Variants in GAS7 observed in about 807,000 individuals in gnomAD.
GAS7 encodes growth arrest specific 7, also known as growth arrest-specific protein 7.
Under a neutral mutation model 71.1 loss-of-function variants are expected in GAS7, and 28 were observed. That is an observed-to-expected ratio of 0.39 (90% CI 0.29 to 0.54). The LOEUF (loss-of-function observed/expected upper bound fraction) is 0.54. Ranked by LOEUF, GAS7 falls within the 20% of genes least tolerant of loss-of-function variation. The pLI, the probability that GAS7 is intolerant of heterozygous loss-of-function variation, is 0.62. For missense variants in GAS7, 436 were observed against 627.8 expected (o/e 0.69, Z 3.27); for synonymous variants, 258 against 245.8 (o/e 1.05, Z -0.46).
chr17:9,912,828 AAAAAT>A lies in GAS7; in HGVS notation c.*4395_*4399del, dbSNP rs2067474396. On this transcript the variant is annotated 3_prime_UTR_variant, in exon 14 of 14. Transcript: ENST00000432992. ...ACTTCCAGGGCGAAAGGCTCAGTGT[AAAAAT>A]AAAGAAGCAGAGTAGTACGCCCATG... 1.7e-5 allele frequency: 4 copies of A among 232,696 alleles called. No homozygotes were observed. The highest frequency in any genetic ancestry group is 3.4e-5 in the Non-Finnish European group (4 of 117,668). The allele number at this position is 232,696 out of a possible 1,614,324, so 14.4% of individuals were successfully genotyped here. A position where few individuals can be genotyped will look rare whatever the true frequency, so the allele number is the denominator to read the frequency against.
intron 1 of GAS7, among the ~76,000 whole-genome samples, chr17:10,155,802 C>G (rs1269347819): frequency 6.6e-6 from 1 of 152,116 alleles, no homozygotes; most frequent in Non-Finnish European, 1.5e-5. Flanking sequence ...TTAAAATAAC[C>G]CTAAGAGACA....
At chr17:9,928,775 ATCTGGGTT>A (rs2068104177) in intron 9 of GAS7, among the ~76,000 whole-genome samples, 5 of 152,224 alleles carry the variant, frequency 3.3e-5, no homozygotes, top group African/African-American at 1.2e-4. Context: ...CAGGGGCCCC[ATCTGGGTT>A]GAGCACTGCT....
chr17:9,950,842 C>T (rs1014665242), intron 5 of GAS7, among the ~76,000 whole-genome samples: 4 of 149,592 alleles, frequency 2.7e-5, no homozygotes, highest in Non-Finnish European at 5.9e-5. Flanking sequence ...GGTGACAGGG[C>T]GAGACTGTGT....
chr17:10,118,201 CAGGG>C (rs2073877023), intron 1 of GAS7, among the ~76,000 whole-genome samples: 4 of 71,300 alleles, frequency 5.6e-5, no homozygotes, highest in African/African-American at 1.7e-4. Flanking sequence ...ATGGAGTAAA[CAGGG>C]ATATCGCCTG....
In GAS7 at chr17:10,106,654, A is replaced by T. The variant is rs553966968; in HGVS notation, c.184-86757T>A. Reference sequence around the variant, plus strand: ...CACCCTTCCCAGCCTCTAGTTAAAGATCACTTAACCAATTCCAGCAACTCA... The same window carrying T: ...CACCCTTCCCAGCCTCTAGTTAAAGTTCACTTAACCAATTCCAGCAACTCA... On this transcript the variant is annotated intron_variant, in intron 1 of 13. Transcript: ENST00000432992. Among the ~76,000 whole-genome samples, 27 of 152,244 alleles carry T rather than the reference A, an allele frequency of 1.8e-4. No homozygotes were observed. In the South Asian group the frequency reaches 5.6e-3, roughly 32 times the overall value.
At chr17:10,118,643 A>T (rs1389737175) in intron 1 of GAS7, among the ~76,000 whole-genome samples, 1 of 145,350 alleles carries the variant, frequency 6.9e-6, no homozygotes, top group East Asian at 2.1e-4. Context: ...GGCGGAGGTT[A>T]CAGTGAGCTG....
chr17:10,033,057 G>C (rs927465283), intron 1 of GAS7, among the ~76,000 whole-genome samples: 1 of 152,190 alleles, frequency 6.6e-6, no homozygotes, highest in Non-Finnish European at 1.5e-5. Flanking sequence ...TTTGTCAAAG[G>C]AAGGAGTTGA....
At chr17:10,019,152 T>C (rs745854767) in intron 2 of GAS7, among the ~76,000 whole-genome samples, 2 of 152,164 alleles carry the variant, frequency 1.3e-5, no homozygotes, top group Non-Finnish European at 2.9e-5. Flanking sequence ...GGGAGGTCCC[T>C]AATTATTGGG....
chr17:10,103,485 T>C lies in GAS7; in HGVS notation c.184-83588A>G, dbSNP rs1430683673. Among the ~76,000 whole-genome samples, 1 of 152,072 alleles carries C rather than the reference T, an allele frequency of 6.6e-6. No individual in the cohort carries two copies. Among genetic ancestry groups the C allele is most frequent in the Non-Finnish European group, 1.5e-5 (1 of 68,000 alleles). ...CCATTTTCCAAAACAACGATTTCAT[T>C]TCTCAGATGATGGGAAATGTTTTCT... On this transcript the variant is annotated intron_variant, in intron 1 of 13. Coordinates refer to ENST00000432992, the MANE Select transcript of GAS7 (RefSeq NM_201433.2). This position sits in a 1 kb window ranked among gnomAD's most constrained non-coding sequence, Gnocchi z 5.5.
At chr17:9,918,705 G>A (rs922576720) in intron 12 of GAS7, among the ~76,000 whole-genome samples, 15 of 152,240 alleles carry the variant, frequency 9.9e-5, no homozygotes, top group African/African-American at 3.4e-4. Flanking sequence ...AGACTGGGCT[G>A]CACGTGGCAC....
chr17:10,120,224 G>A lies in GAS7; in HGVS notation c.183+77984C>T, dbSNP rs539950251. Among the ~76,000 whole-genome samples the A allele has an allele frequency of 1.2e-3, 182 of 151,654 alleles. 7 individuals carry two copies. The South Asian group carries it at 0.02, about 17-fold the overall frequency. On this transcript the variant is annotated intron_variant, in intron 1 of 13. Coordinates refer to ENST00000432992, the MANE Select transcript of GAS7 (RefSeq NM_201433.2). ...AGACACAGCTACCAACAGAAGGTAC[G>A]GCCACCAGGAGCCAGGCCAGCCACC...
intron 1 of GAS7, among the ~76,000 whole-genome samples, chr17:10,046,822 AAGG>A (rs2072972347): frequency 7.4e-6 from 1 of 135,094 alleles, no homozygotes; most frequent in Non-Finnish European, 1.5e-5. Context: ...GGAAGGAAGG[AAGG>A]AAGGAAGGAA....
In GAS7 at chr17:9,981,679, C is replaced by A; in HGVS notation, c.385+125G>T. 1 of 678,604 alleles carries A rather than the reference C, an allele frequency of 1.5e-6. No homozygotes were observed. Among genetic ancestry groups the A allele is most frequent in the Non-Finnish European group, 2.7e-6 (1 of 374,764 alleles). The allele number at this position is 678,604 out of a possible 1,614,324, so 42.0% of individuals were successfully genotyped here. A position where few individuals can be genotyped will look rare whatever the true frequency, so the allele number is the denominator to read the frequency against. ...CAGGCCTAAGGGACCCTCTCCCAGG[C>A]CCAACCCCTCCCTGGGTTTGCTACA... On this transcript the variant is annotated intron_variant, in intron 3 of 13. Coordinates refer to ENST00000432992, the MANE Select transcript of GAS7 (RefSeq NM_201433.2). This position sits in a 1 kb window ranked among gnomAD's most constrained non-coding sequence, Gnocchi z 4.4.
chr17:9,942,489 T>G (rs1261393804), intron 7 of GAS7, among the ~76,000 whole-genome samples: 1 of 150,144 alleles, frequency 6.7e-6, no homozygotes, highest in African/African-American at 2.4e-5. Flanking sequence ...CCATTTCCAT[T>G]GGGCTGAATT....
chr17:10,078,077 G>GTGTGTTT lies in GAS7; in HGVS notation c.184-58181_184-58180insAAACACA, dbSNP rs569660717. ...GTTGTGTGTGTGTGTGTGTGTGTGTGTGTTTTGTTTTGTTTTGTTTTGTTT... is the reference window on the plus strand; with the variant it reads ...GTTGTGTGTGTGTGTGTGTGTGTGTGTGTGTTTTGTTTTGTTTTGTTTTGTTTTGTTT... On this transcript the variant is annotated intron_variant, in intron 1 of 13. Coordinates refer to ENST00000432992, the MANE Select transcript of GAS7 (RefSeq NM_201433.2). 8.2e-4 allele frequency among the ~76,000 whole-genome samples: 123 copies of GTGTGTTT among 149,966 alleles called. 1 individual carries two copies. Among genetic ancestry groups the GTGTGTTT allele is most frequent in the African/African-American group, 2.5e-3 (101 of 40,736 alleles).
At chr17:9,928,496 C>T (rs1164352761) in intron 9 of GAS7, among the ~76,000 whole-genome samples, 1 of 152,066 alleles carries the variant, frequency 6.6e-6, no homozygotes, top group African/African-American at 2.4e-5. Flanking sequence ...CCCTGTGCAC[C>T]CCTCCCACCC....
intron 1 of GAS7, among the ~76,000 whole-genome samples, chr17:10,168,169 C>T (rs1022659922): frequency 1.3e-5 from 2 of 151,908 alleles, no homozygotes; most frequent in South Asian, 4.2e-4. Flanking sequence ...AACTAAGGAA[C>T]GGAAAATAAA....
rs1417830423 is a variant in GAS7, at chr17:10,009,293, T to C, written c.304+10484A>G. Reference sequence around the variant, plus strand: ...CCGAGATCCCGCCACTGCACTCCAGTCTGGGCGACAGAGCGAGACTCCGTC... The same window carrying C: ...CCGAGATCCCGCCACTGCACTCCAGCCTGGGCGACAGAGCGAGACTCCGTC... On this transcript the variant is annotated intron_variant, in intron 2 of 13. Coordinates refer to ENST00000432992, the MANE Select transcript of GAS7 (RefSeq NM_201433.2). 6.8e-5 allele frequency among the ~76,000 whole-genome samples: 9 copies of C among 133,020 alleles called. No homozygotes were observed. The South Asian group carries it at 7.0e-4, about 10-fold the overall frequency. The allele number at this position is 133,020 out of a possible 152,430, so 87.3% of individuals were successfully genotyped here. A position where few individuals can be genotyped will look rare whatever the true frequency, so the allele number is the denominator to read the frequency against.
At chr17:10,088,178 G>A (rs1219529064) in intron 1 of GAS7, among the ~76,000 whole-genome samples, 3 of 150,608 alleles carry the variant, frequency 2.0e-5, no homozygotes, top group East Asian at 1.9e-4. Context: ...CTGAGATTGC[G>A]CCACTGCACT....
Sources: allele counts gnomAD v4.1 joint callset (sites outside exome capture counted in the v4.1 genomes callset), GRCh38; gene constraint gnomAD v4.1.1; non-coding constraint Gnocchi (gnomAD v3.1); transcripts MANE v1.5; gene names NCBI Gene and HGNC (gene_info 2026-07-23, HGNC 2026-07-21).